IQGAP2: variants seen among roughly 807,000 people sequenced by gnomAD.
IQGAP2 encodes IQ motif containing GTPase activating protein 2.
A neutral mutation model predicts 201.3 loss-of-function variants in IQGAP2; 173 were observed. That is an observed-to-expected ratio of 0.86 (90% CI 0.76 to 0.98). IQGAP2 has a LOEUF of 0.98. IQGAP2 is among the 50% of genes least tolerant of loss of function. The probability of loss-of-function intolerance (pLI) is 0.00; values close to 1 mark genes in which losing one functional copy is unlikely to be tolerated. For missense variants in IQGAP2, 1,687 were observed against 1,864.8 expected (o/e 0.90, Z 1.76); for synonymous variants, 675 against 673.9 (o/e 1.00, Z -0.03).
At chr5:76,680,395 A>G (rs1444966817) in intron 28 of IQGAP2, among the ~76,000 whole-genome samples, 1 of 152,226 alleles carries the variant, frequency 6.6e-6, no homozygotes, top group Non-Finnish European at 1.5e-5. Flanking sequence ...AAAATAAGAT[A>G]TAGGAGTAAA....
At position 76,590,422 on chromosome 5, in the gene IQGAP2, A is replaced by G. The variant is rs1447441122; in HGVS notation, c.655A>G (p.Ile219Val). The change falls in exon 8 of 36, where the codon ATA (isoleucine) becomes GTA (valine). Residue 219 changes from isoleucine (I) to valine (V), a missense_variant. Physicochemically the swap from Ile to Val is conservative, Grantham distance 29 (BLOSUM62 3). Transcript: ENST00000274364. Reference protein sequence around the residue: ...VDEAALHAAVIAINEAVEKGI... With the variant: ...VDEAALHAAVVAINEAVEKGI... ...TTACTTTTTAGTACATGCTGCAGTT[A>G]TAGCCATTAATGAAGCAGTTGAAAA... 3 of 1,606,930 alleles carry G rather than the reference A, an allele frequency of 1.9e-6. No individual in the cohort carries two copies. Among genetic ancestry groups the G allele is most frequent in the African/African-American group, 2.7e-5 (2 of 74,442 alleles).
At chr5:76,541,920 T>G (rs1248366205) in intron 2 of IQGAP2, among the ~76,000 whole-genome samples, 1 of 152,218 alleles carries the variant, frequency 6.6e-6, no homozygotes, top group Non-Finnish European at 1.5e-5. Context: ...TCCTTTGAAA[T>G]ACTGTAATAA....
chr5:76,665,199 C>CTT (rs1561567881), intron 22 of IQGAP2, 24 bp downstream of exon 22: 3 of 1,604,076 alleles, frequency 1.9e-6, no homozygotes, highest in East Asian at 4.5e-5. Context: ...ATCGTTCACT[C>CTT]TGAGTTTGGG....
intron 20 of IQGAP2, among the ~76,000 whole-genome samples, chr5:76,657,055 A>C (rs1742807226): frequency 6.6e-6 from 1 of 152,226 alleles, no homozygotes; most frequent in South Asian, 2.1e-4. Context: ...AAATTAAAAT[A>C]CCTGTACCAC....
intron 2 of IQGAP2, among the ~76,000 whole-genome samples, chr5:76,511,127 C>T (rs1757933730): frequency 6.6e-6 from 1 of 152,222 alleles, no homozygotes; most frequent in South Asian, 2.1e-4. Context: ...ATATGGACTA[C>T]ATTCTGCCAT....
intron 20 of IQGAP2, among the ~76,000 whole-genome samples, chr5:76,656,157 T>G (rs1469796125): frequency 6.6e-6 from 1 of 152,176 alleles, no homozygotes; most frequent in African/African-American, 2.4e-5. Flanking sequence ...AGCTCACCTC[T>G]CAGCTGGTAG....
chr5:76,602,272 T>C (rs903565291), intron 11 of IQGAP2, among the ~76,000 whole-genome samples: 1 of 152,306 alleles, frequency 6.6e-6, no homozygotes, highest in East Asian at 1.9e-4. Flanking sequence ...ACTTTCTCAG[T>C]GCTAGAGTAG....
intron 11 of IQGAP2, among the ~76,000 whole-genome samples, chr5:76,602,904 C>T (rs569832950): frequency 6.6e-6 from 1 of 152,206 alleles, no homozygotes; most frequent in Non-Finnish European, 1.5e-5. Flanking sequence ...GGCTTCTACT[C>T]TTGGGGCTGT....
chr5:76,658,102 C>G (rs144608160), intron 20 of IQGAP2, among the ~76,000 whole-genome samples: 1 of 152,072 alleles, frequency 6.6e-6, no homozygotes, highest in Non-Finnish European at 1.5e-5. Flanking sequence ...GTCTCAGGGT[C>G]GAGGTAACTT....
chr5:76,456,891 C>T (rs1264811958), intron 1 of IQGAP2, among the ~76,000 whole-genome samples: 1 of 151,772 alleles, frequency 6.6e-6, no homozygotes, highest in South Asian at 2.1e-4. Context: ...TCAAGGCCAG[C>T]GTGGGTAACA....
chr5:76,517,103 T>G (rs116109564), intron 2 of IQGAP2, among the ~76,000 whole-genome samples: 508 of 152,258 alleles, frequency 3.3e-3, no homozygotes, highest in African/African-American at 0.011. Flanking sequence ...TAATTCTGAT[T>G]GTCTACTCAA....
chr5:76,644,295 C>CATTTTTTTTTTTTTTTTTTTTTTTTTTTT (rs1751838696), intron 17 of IQGAP2, among the ~76,000 whole-genome samples: 1 of 47,778 alleles, frequency 2.1e-5, no homozygotes, highest in African/African-American at 7.2e-5. Context: ...TTTGTAAATC[C>CATTTTTTTTTTTTTTTTTTTTTTTTTTTT]TTTTTTTTTT....
chr5:76,603,538 G>A (rs952538059), intron 11 of IQGAP2, among the ~76,000 whole-genome samples: 46 of 152,300 alleles, frequency 3.0e-4, no homozygotes, highest in African/African-American at 1.0e-3. Flanking sequence ...ACCAATAAGG[G>A]TTTCCTTCCA....
chr5:76,405,068 CA>C (rs1203811793), intron 1 of IQGAP2, among the ~76,000 whole-genome samples: 1 of 152,254 alleles, frequency 6.6e-6, no homozygotes, highest in Non-Finnish European at 1.5e-5. Context: ...AAGATAACCA[CA>C]AACTTCTGCA....
Position 76,585,054 on chromosome 5 carries a change from A to C in IQGAP2, c.459-3852A>C, listed in dbSNP as rs548639791. ...ATAAAATCAGAAAAACAGTTAATAA[A>C]ATTTGTAGATATCTAAATTATTGGT... On this transcript the variant is annotated intron_variant, in intron 5 of 35. Transcript: ENST00000274364. Among the ~76,000 whole-genome samples the C allele has an allele frequency of 9.2e-5, 14 of 152,340 alleles. No individual in the cohort carries two copies. The Middle Eastern group carries it at 0.01, about 111-fold the overall frequency.
chr5:76,513,282 C>T (rs1758096512), intron 2 of IQGAP2, among the ~76,000 whole-genome samples: 1 of 152,012 alleles, frequency 6.6e-6, no homozygotes, highest in Admixed American at 6.6e-5. Context: ...TGGCATTTTC[C>T]CCAAAATACA....
intron 1 of IQGAP2, among the ~76,000 whole-genome samples, chr5:76,422,799 G>A (rs1751798692): frequency 6.6e-6 from 1 of 152,198 alleles, no homozygotes; most frequent in Non-Finnish European, 1.5e-5. Context: ...AATCTCAAAT[G>A]GTGCAGATAA....
intron 1 of IQGAP2, among the ~76,000 whole-genome samples, chr5:76,419,584 C>G (rs1037626017): frequency 2.0e-5 from 3 of 152,114 alleles, no homozygotes; most frequent in African/African-American, 2.4e-5. Flanking sequence ...GTGATCCCCC[C>G]ACCTCGGCCT....
At chr5:76,635,979 C>T (rs193094306) in intron 15 of IQGAP2, among the ~76,000 whole-genome samples, 151 of 152,362 alleles carry the variant, frequency 9.9e-4, no homozygotes, top group Middle Eastern at 3.4e-3. Flanking sequence ...GATGAACCAG[C>T]TGTCTGGCTG....
Sources: gnomAD v4.1 joint callset for allele counts (sites outside exome capture counted in the v4.1 genomes callset) on GRCh38, gnomAD v4.1.1 for gene constraint, MANE v1.5 for transcripts, NCBI Gene and HGNC (gene_info 2026-07-23, HGNC 2026-07-21) for gene names.